The following LRP1B variants were observed in gnomAD, a reference collection of about 807,000 sequenced individuals.
The protein encoded by LRP1B is low-density lipoprotein receptor-related protein 1B.
A neutral mutation model predicts 556.6 loss-of-function variants in LRP1B; 217 were observed. The observed-to-expected ratio is 0.39, with a 90% CI of 0.35 to 0.44. The LOEUF (loss-of-function observed/expected upper bound fraction) is 0.44, where lower values mean the gene tolerates loss of function less well. LRP1B is among the 20% of genes least tolerant of loss of function. The probability of loss-of-function intolerance (pLI) is 1.00; values close to 1 mark genes in which losing one functional copy is unlikely to be tolerated. For missense variants in LRP1B, 5,053 were observed against 5,620.8 expected (o/e 0.90, Z 3.23); for synonymous variants, 2,047 against 1,865.8 (o/e 1.10, Z -2.50).
intron 2 of LRP1B, among the ~76,000 whole-genome samples, chr2:141,727,075 C>G (rs1190897093): frequency 6.6e-6 from 1 of 151,782 alleles, no homozygotes; most frequent in Non-Finnish European, 1.5e-5. Flanking sequence ...TGCAAAGCCA[C>G]TAATGTAAGG....
At chr2:140,427,181 C>A (rs1685697218) in intron 66 of LRP1B, among the ~76,000 whole-genome samples, 1 of 152,186 alleles carries the variant, frequency 6.6e-6, no homozygotes, top group Non-Finnish European at 1.5e-5. Context: ...GCGAGGACAC[C>A]TCTCTGATTA....
chr2:141,135,232 T>G (rs893487873), intron 7 of LRP1B, among the ~76,000 whole-genome samples: 1 of 151,906 alleles, frequency 6.6e-6, no homozygotes, highest in Non-Finnish European at 1.5e-5. Context: ...TTTTAAAAAA[T>G]GTAATGGAAA....
chr2:141,608,609 C>CT (rs1372695331), intron 2 of LRP1B, among the ~76,000 whole-genome samples: 2 of 151,986 alleles, frequency 1.3e-5, no homozygotes, highest in Non-Finnish European at 2.9e-5. Flanking sequence ...AGATGACTTA[C>CT]TTTTTTTTAA....
chr2:141,261,578 T>C (rs1291363728), intron 3 of LRP1B, among the ~76,000 whole-genome samples: 1 of 152,164 alleles, frequency 6.6e-6, no homozygotes, highest in Non-Finnish European at 1.5e-5. Flanking sequence ...GTTTTGTCTT[T>C]TCCAGTATGT....
intron 1 of LRP1B, among the ~76,000 whole-genome samples, chr2:142,001,630 A>G (rs1264493048): frequency 6.6e-6 from 1 of 152,214 alleles, no homozygotes; most frequent in East Asian, 1.9e-4. Flanking sequence ...AGCAAAGTTC[A>G]TTGGAGACAT....
intron 62 of LRP1B, among the ~76,000 whole-genome samples, chr2:140,451,909 C>A (rs1264830492): frequency 1.3e-5 from 2 of 151,908 alleles, no homozygotes; most frequent in African/African-American, 4.8e-5. Flanking sequence ...ATCCTTTCCA[C>A]TTGAAACAGC....
At chr2:140,778,916 A>G (rs1235060292) in intron 32 of LRP1B, among the ~76,000 whole-genome samples, 2 of 151,920 alleles carry the variant, frequency 1.3e-5, no homozygotes, top group African/African-American at 2.4e-5. Flanking sequence ...TTAAGAAAAT[A>G]TAACTATTAA....
intron 2 of LRP1B, among the ~76,000 whole-genome samples, chr2:141,519,913 T>C (rs979811800): frequency 6.6e-6 from 1 of 152,166 alleles, no homozygotes; most frequent in African/African-American, 2.4e-5. Context: ...GACCAGACAG[T>C]AGCCTTACAT....
At chr2:141,270,969 G>A (rs552949752) in intron 3 of LRP1B, among the ~76,000 whole-genome samples, 1 of 151,934 alleles carries the variant, frequency 6.6e-6, no homozygotes, top group Non-Finnish European at 1.5e-5. Flanking sequence ...CACAATAAAA[G>A]TAGTAAAAAG....
At chr2:140,458,297 T>C (rs1370907733) in intron 60 of LRP1B, among the ~76,000 whole-genome samples, 1 of 152,152 alleles carries the variant, frequency 6.6e-6, no homozygotes, top group Non-Finnish European at 1.5e-5. Flanking sequence ...TAAAACAGTT[T>C]AGTTGCAGAT....
chr2:141,556,814 T>C (rs980961716), intron 2 of LRP1B, among the ~76,000 whole-genome samples: 1 of 151,792 alleles, frequency 6.6e-6, no homozygotes, highest in Non-Finnish European at 1.5e-5. Flanking sequence ...ATCAATAGTA[T>C]CTCTGTTTTA....
intron 3 of LRP1B, among the ~76,000 whole-genome samples, chr2:141,368,640 C>A (rs373548339): frequency 6.6e-6 from 1 of 152,134 alleles, no homozygotes. Context: ...GCTGATTTTA[C>A]GCTTGGGAAT....
At chr2:141,314,810 T>TTATATATA (rs377271635) in intron 3 of LRP1B, among the ~76,000 whole-genome samples, 2,545 of 123,404 alleles carry the variant, frequency 0.021, 47 homozygotes, top group East Asian at 0.11. Context: ...AAAAAAAAAT[T>TTATATATA]TATATATATA....
At chr2:142,028,994 T>C (rs2105191461) in intron 1 of LRP1B, among the ~76,000 whole-genome samples, 1 of 152,026 alleles carries the variant, frequency 6.6e-6, no homozygotes, top group South Asian at 2.1e-4. Flanking sequence ...TCTTTGCCTG[T>C]TTTTTACTGG....
chr2:140,826,691 G>A (rs1691520614), intron 31 of LRP1B, among the ~76,000 whole-genome samples: 2 of 152,134 alleles, frequency 1.3e-5, no homozygotes, highest in Non-Finnish European at 2.9e-5. Context: ...TGGAAAAAGT[G>A]AGATCAAGGC....
chr2:141,401,783 G>T (rs796126249), intron 3 of LRP1B, among the ~76,000 whole-genome samples: 2 of 151,944 alleles, frequency 1.3e-5, no homozygotes, highest in Non-Finnish European at 1.5e-5. Flanking sequence ...TCATACAGTG[G>T]GGGGAAAAAT....
intron 1 of LRP1B, among the ~76,000 whole-genome samples, chr2:142,054,687 C>T (rs562961033): frequency 3.6e-4 from 55 of 152,176 alleles, no homozygotes; most frequent in African/African-American, 1.3e-3. Context: ...AGTGAGTGAA[C>T]TCTGTCTTAT....
chr2:140,866,160 G>A (rs1692944575), intron 27 of LRP1B, among the ~76,000 whole-genome samples: 1 of 151,884 alleles, frequency 6.6e-6, no homozygotes, highest in Non-Finnish European at 1.5e-5. Flanking sequence ...ACAATCTGAG[G>A]GACAAAAATA....
At chr2:140,291,915 C>A (rs1683405599) in intron 84 of LRP1B, among the ~76,000 whole-genome samples, 1 of 152,162 alleles carries the variant, frequency 6.6e-6, no homozygotes, top group Non-Finnish European at 1.5e-5. Context: ...AACTAGTTTA[C>A]AGTCCCACCA....
Sources: allele counts gnomAD v4.1 joint callset (sites outside exome capture counted in the v4.1 genomes callset), GRCh38; gene constraint gnomAD v4.1.1; transcripts MANE v1.5; gene names NCBI Gene and HGNC (gene_info 2026-07-23, HGNC 2026-07-21).